Variants in MEI4 observed in about 807,000 individuals in gnomAD.
The protein encoded by MEI4 is meiotic double-stranded break formation protein 4.
Under a neutral mutation model 31.4 loss-of-function variants are expected in MEI4, and 27 were observed. The ratio of observed to expected loss-of-function variants is 0.86; its 90% CI spans 0.63 to 1.19. The LOEUF is 1.19. Among genes scored for constraint, MEI4 ranks in the 50% most tolerant of loss-of-function variants. The pLI, the probability that MEI4 is intolerant of heterozygous loss-of-function variation, is 0.00. For synonymous variants in MEI4, 122 were observed against 145.4 expected (o/e 0.84, Z 1.16); for missense variants, 329 against 398.9 (o/e 0.82, Z 1.49).
chr6:77,807,542 A>G (rs2127703545), intron 3 of MEI4, among the ~76,000 whole-genome samples: 1 of 152,264 alleles, frequency 6.6e-6, no homozygotes, highest in East Asian at 1.9e-4. Flanking sequence ...CTGTTGCTGG[A>G]ATATTTCAAG....
chr6:77,792,900 G>A (rs1423161346), intron 3 of MEI4, among the ~76,000 whole-genome samples: 2 of 151,984 alleles, frequency 1.3e-5, no homozygotes, highest in African/African-American at 4.8e-5. Flanking sequence ...TTTTAGTAGA[G>A]ACAGGGTTTC....
chr6:77,905,554 T>C (rs1306500215), intron 4 of MEI4, among the ~76,000 whole-genome samples: 1 of 131,862 alleles, frequency 7.6e-6, no homozygotes, highest in African/African-American at 2.8e-5. Flanking sequence ...TGGAGTGCAG[T>C]GGCACGATCT....
intron 3 of MEI4, among the ~76,000 whole-genome samples, chr6:77,824,468 T>C (rs1769898309): frequency 6.6e-6 from 1 of 152,186 alleles, no homozygotes; most frequent in Non-Finnish European, 1.5e-5. Context: ...TTAAACTTTC[T>C]TATGGTCTCA....
chr6:77,748,166 C>G (rs1398419757), intron 2 of MEI4, among the ~76,000 whole-genome samples: 2 of 152,194 alleles, frequency 1.3e-5, no homozygotes, highest in Non-Finnish European at 2.9e-5. Flanking sequence ...CCTCTTCTCT[C>G]AGCTTCACTA....
chr6:77,756,103 A>G (rs997354554), intron 2 of MEI4, among the ~76,000 whole-genome samples: 6 of 152,122 alleles, frequency 3.9e-5, no homozygotes, highest in South Asian at 2.1e-4. Flanking sequence ...CATACAAGCA[A>G]AGAATAGAAT....
rs182186853 is a variant in MEI4, at chr6:77,861,554, T to C, written c.900+32492T>C. 3.4e-3 allele frequency among the ~76,000 whole-genome samples: 518 copies of C among 152,294 alleles called. 2 individuals carry two copies. Among genetic ancestry groups the C allele is most frequent in the Admixed American group, 7.3e-3 (111 of 15,302 alleles). On this transcript the variant is annotated intron_variant, in intron 4 of 4. Coordinates refer to ENST00000684080, the MANE Select transcript of MEI4 (RefSeq NM_001322247.2). Reference sequence around the variant, plus strand: ...CCATGCCACAGAAATTTTTATTCTTTTATGAATTTTAATATTTTTCCTGTC... The same window carrying C: ...CCATGCCACAGAAATTTTTATTCTTCTATGAATTTTAATATTTTTCCTGTC...
chr6:77,744,627 A>T (rs1258292184), intron 2 of MEI4, among the ~76,000 whole-genome samples: 1 of 152,168 alleles, frequency 6.6e-6, no homozygotes, highest in Admixed American at 6.6e-5. Flanking sequence ...AACGCCACAA[A>T]GATACTCCTG....
intron 1 of MEI4, among the ~76,000 whole-genome samples, chr6:77,663,098 GT>G (rs1768544025): frequency 6.7e-6 from 1 of 148,762 alleles, no homozygotes; most frequent in South Asian, 2.1e-4. Context: ...GAGTATATGG[GT>G]TTGGCACCAT....
intron 2 of MEI4, among the ~76,000 whole-genome samples, chr6:77,745,785 G>A (rs1767582208): frequency 1.3e-5 from 2 of 152,136 alleles, no homozygotes; most frequent in South Asian, 4.1e-4. Flanking sequence ...AGACCACAGT[G>A]CAATCAAACT....
intron 2 of MEI4, among the ~76,000 whole-genome samples, chr6:77,740,483 GAT>G (rs1439114273): frequency 6.6e-6 from 1 of 152,132 alleles, no homozygotes; most frequent in Non-Finnish European, 1.5e-5. Context: ...TTTGCAATGT[GAT>G]AAAATATATC....
intron 2 of MEI4, among the ~76,000 whole-genome samples, chr6:77,692,904 T>C (rs1439403628): frequency 6.6e-6 from 1 of 151,988 alleles, no homozygotes; most frequent in African/African-American, 2.4e-5. Context: ...TTAGGATCTG[T>C]TGGATTTAAG....
intron 4 of MEI4, among the ~76,000 whole-genome samples, chr6:77,841,335 T>A (rs377754341): frequency 0.025 from 537 of 21,174 alleles, 4 homozygotes; most frequent in African/African-American, 0.098. Flanking sequence ...ATATATATAT[T>A]TTTTTTTTTT....
intron 3 of MEI4, among the ~76,000 whole-genome samples, chr6:77,791,320 G>A (rs989798822): frequency 6.6e-5 from 10 of 151,954 alleles, no homozygotes; most frequent in African/African-American, 2.4e-4. Context: ...AGAAAATGTG[G>A]CACATATACA....
chr6:77,790,662 G>T (rs1321647078), intron 3 of MEI4, among the ~76,000 whole-genome samples: 3 of 152,024 alleles, frequency 2.0e-5, no homozygotes, highest in South Asian at 4.1e-4. Context: ...CTGAAAGCAA[G>T]ATCAACCCAA....
chr6:77,842,342 A>G (rs1411408714), intron 4 of MEI4, among the ~76,000 whole-genome samples: 1 of 152,130 alleles, frequency 6.6e-6, no homozygotes, highest in Non-Finnish European at 1.5e-5. Context: ...CCCAAGAGAA[A>G]CTAGAAAAAA....
intron 4 of MEI4, among the ~76,000 whole-genome samples, chr6:77,886,142 T>G (rs1771612862): frequency 6.6e-6 from 1 of 152,150 alleles, no homozygotes; most frequent in Admixed American, 6.6e-5. Flanking sequence ...TTCCCTTATC[T>G]GTTATTTTCT....
chr6:77,870,684 A>G (rs563635638), intron 4 of MEI4, among the ~76,000 whole-genome samples: 1 of 138,110 alleles, frequency 7.2e-6, no homozygotes, highest in South Asian at 2.4e-4. Flanking sequence ...CAGAGCTAGC[A>G]AAACTGTACT....
intron 1 of MEI4, among the ~76,000 whole-genome samples, chr6:77,682,069 C>G (rs1361487765): frequency 1.3e-5 from 2 of 152,226 alleles, no homozygotes; most frequent in African/African-American, 4.8e-5. Context: ...CCAAACTTTA[C>G]TGAAACTATT....
intron 3 of MEI4, among the ~76,000 whole-genome samples, chr6:77,807,625 C>G (rs1249716053): frequency 6.6e-6 from 1 of 152,112 alleles, no homozygotes; most frequent in East Asian, 1.9e-4. Flanking sequence ...GATATAGGTA[C>G]ACAATCAATG....
Sources: allele counts gnomAD v4.1 joint callset (sites outside exome capture counted in the v4.1 genomes callset), GRCh38; gene constraint gnomAD v4.1.1; transcripts MANE v1.5; gene names NCBI Gene and HGNC (gene_info 2026-07-23, HGNC 2026-07-21).